Variants in VAT1L observed in about 807,000 individuals in gnomAD.
VAT1L encodes the protein vesicle amine transport 1 like, also known as putative NADPH-dependent quinone oxidoreductase VAT1L.
A neutral mutation model predicts 44.1 loss-of-function variants in VAT1L; 34 were observed. The observed-to-expected ratio is 0.77, with a 90% confidence interval of 0.59 to 1.03. VAT1L has a LOEUF of 1.03. Ranked by LOEUF, VAT1L falls within the 50% of genes least tolerant of loss-of-function variation. The pLI is 0.00. For synonymous variants in VAT1L, 253 were observed against 202.2 expected (o/e 1.25, Z -2.13); for missense variants, 615 against 538.8 (o/e 1.14, Z -1.40).
intron 4 of VAT1L, among the ~76,000 whole-genome samples, chr16:77,874,839 T>TAAAAA (rs769810512): frequency 2.3e-5 from 2 of 87,700 alleles, no homozygotes; most frequent in East Asian, 3.7e-4. Flanking sequence ...AATTAATTTG[T>TAAAAA]AAAAAAAAAA....
intron 7 of VAT1L, among the ~76,000 whole-genome samples, chr16:77,932,588 A>C (rs889425998): frequency 2.0e-5 from 3 of 152,172 alleles, no homozygotes; most frequent in African/African-American, 7.2e-5. Flanking sequence ...ATCCCATCAG[A>C]TTATCAAATC....
intron 7 of VAT1L, among the ~76,000 whole-genome samples, chr16:77,943,427 T>A (rs2017916678): frequency 6.9e-6 from 1 of 144,420 alleles, no homozygotes; most frequent in Non-Finnish European, 1.5e-5. Context: ...TCTCCCAGGC[T>A]GGACTGTAGT....
At chr16:77,872,435 C>G (rs909814824) in intron 4 of VAT1L, among the ~76,000 whole-genome samples, 1 of 152,104 alleles carries the variant, frequency 6.6e-6, no homozygotes, top group Non-Finnish European at 1.5e-5. Context: ...GCTCTGAAAA[C>G]AGACCTGGGG....
At chr16:77,808,026 G>A (rs978277307) in intron 1 of VAT1L, among the ~76,000 whole-genome samples, 1 of 151,918 alleles carries the variant, frequency 6.6e-6, no homozygotes, top group Non-Finnish European at 1.5e-5. Context: ...TCCAGAACAG[G>A]GCTCCCTGGG....
chr16:77,809,600 G>A (rs2016228932), intron 1 of VAT1L, among the ~76,000 whole-genome samples: 1 of 152,022 alleles, frequency 6.6e-6, no homozygotes, highest in South Asian at 2.1e-4. Context: ...AAAAATAAAT[G>A]TCATGATGAT....
chr16:77,826,276 T>G (rs1045858749), intron 3 of VAT1L, among the ~76,000 whole-genome samples: 1 of 151,926 alleles, frequency 6.6e-6, no homozygotes, highest in Non-Finnish European at 1.5e-5. Context: ...GTTGTGTCAA[T>G]CATTGTAAGA....
At chr16:77,975,436 T>C (rs895225513) in intron 8 of VAT1L, among the ~76,000 whole-genome samples, 1 of 152,074 alleles carries the variant, frequency 6.6e-6, no homozygotes, top group African/African-American at 2.4e-5. Flanking sequence ...GTTCTTGAAA[T>C]CCTGACCTCA....
At chr16:77,821,027 T>C (rs976366644) in intron 2 of VAT1L, among the ~76,000 whole-genome samples, 1 of 152,154 alleles carries the variant, frequency 6.6e-6, no homozygotes, top group African/African-American at 2.4e-5. Context: ...CAGGACTGAA[T>C]TTCTTCCCTT....
At chr16:77,823,479 A>T (rs2016484272) in intron 2 of VAT1L, among the ~76,000 whole-genome samples, 1 of 152,216 alleles carries the variant, frequency 6.6e-6, no homozygotes, top group Non-Finnish European at 1.5e-5. Flanking sequence ...AAGGGGCTTC[A>T]TATGCAAACA....
intron 1 of VAT1L, among the ~76,000 whole-genome samples, chr16:77,797,182 G>C (rs1457951791): frequency 6.6e-6 from 1 of 151,626 alleles, no homozygotes; most frequent in Admixed American, 6.6e-5. Context: ...CGCTATCTTG[G>C]CTCACTGCAA....
rs570321886 is a variant in VAT1L, at chr16:77,959,238, C to T, written c.1078-12612C>T. On this transcript the variant is annotated intron_variant, in intron 7 of 8. Coordinates refer to ENST00000302536, the MANE Select transcript of VAT1L (RefSeq NM_020927.3). ...TCTCTACCCTTCCAGTCGATTAATT[C>T]ATGGTTCCTGACATTCTACTTTTCC... 2.6e-5 allele frequency among the ~76,000 whole-genome samples: 4 copies of T among 152,310 alleles called. No individual in the cohort carries two copies. The South Asian group carries it at 6.2e-4, about 24-fold the overall frequency.
intron 3 of VAT1L, among the ~76,000 whole-genome samples, chr16:77,856,639 C>T (rs2016862206): frequency 6.6e-6 from 1 of 152,048 alleles, no homozygotes; most frequent in Admixed American, 6.6e-5. Flanking sequence ...TACCACAGTC[C>T]CTGGATTCCC....
chr16:77,804,253 A>C (rs913997370), intron 1 of VAT1L, among the ~76,000 whole-genome samples: 12 of 152,198 alleles, frequency 7.9e-5, no homozygotes, highest in Non-Finnish European at 1.5e-5. Context: ...TAACCTTTAC[A>C]GGAACCTTAG....
intron 2 of VAT1L, 32 bp downstream of exon 2, chr16:77,817,082 T>C (rs200961998): frequency 2.9e-5 from 46 of 1,599,748 alleles, no homozygotes; most frequent in Non-Finnish European, 3.8e-5. Context: ...AAGAGTAATA[T>C]TCATTTGGAA....
At chr16:77,915,989 C>G (rs1317245130) in intron 7 of VAT1L, among the ~76,000 whole-genome samples, 2 of 152,216 alleles carry the variant, frequency 1.3e-5, no homozygotes, top group South Asian at 2.1e-4. Flanking sequence ...GGATGAGGAG[C>G]TGGCATACTT....
chr16:77,884,513 T>A lies in VAT1L; in HGVS notation c.883-95T>A. On this transcript the variant is annotated intron_variant, in intron 6 of 8. Transcript: ENST00000302536. This position sits in a 1 kb window ranked among gnomAD's most constrained non-coding sequence, Gnocchi z 4.5. ...AATCTGCTGAGCTGCAGCCCCACGTTCCCCCTGTAGTAGCTGATGACATCA... is the reference window on the plus strand; with the variant it reads ...AATCTGCTGAGCTGCAGCCCCACGTACCCCCTGTAGTAGCTGATGACATCA... The A allele has an allele frequency of 7.9e-7, 1 of 1,267,324 alleles. No individual in the cohort carries two copies. The highest frequency in any genetic ancestry group is 1.1e-6 in the Non-Finnish European group (1 of 928,744). 78.5% of individuals were successfully genotyped at this position (1,267,324 alleles called of 1,614,324 possible).
At chr16:77,799,988 A>C (rs1356364184) in intron 1 of VAT1L, 1 of 152,186 alleles carries the variant, frequency 6.6e-6, no homozygotes, top group Non-Finnish European at 1.5e-5. Context: ...TCCTAATACA[A>C]ACAGTGGCCA....
At chr16:77,888,388 T>C (rs539047713) in intron 7 of VAT1L, among the ~76,000 whole-genome samples, 1 of 152,346 alleles carries the variant, frequency 6.6e-6, no homozygotes, top group South Asian at 2.1e-4. Context: ...ACATACTTAC[T>C]GTGTGAATGG....
At chr16:77,805,533 T>G (rs1218907376) in intron 1 of VAT1L, among the ~76,000 whole-genome samples, 2 of 150,988 alleles carry the variant, frequency 1.3e-5, no homozygotes, top group Non-Finnish European at 3.0e-5. Context: ...GAGAGCAGAA[T>G]AAGCAAAGAG....
Sources: allele counts gnomAD v4.1 joint callset (sites outside exome capture counted in the v4.1 genomes callset), GRCh38; gene constraint gnomAD v4.1.1; non-coding constraint Gnocchi (gnomAD v3.1); transcripts MANE v1.5; gene names NCBI Gene and HGNC (gene_info 2026-07-23, HGNC 2026-07-21).